DNAH6: variants seen among roughly 807,000 people sequenced by gnomAD.
DNAH6 encodes dynein axonemal heavy chain 6, also known as axonemal beta dynein heavy chain 6.
DNAH6 carries 340 observed loss-of-function variants against 491.4 expected under a neutral mutation model. That is an observed-to-expected ratio of 0.69 (90% CI 0.63 to 0.76). The LOEUF (loss-of-function observed/expected upper bound fraction) is 0.76. DNAH6 is among the 30% of genes least tolerant of loss of function. DNAH6 has a pLI of 0.00. For missense variants in DNAH6, 4,443 were observed against 4,972.2 expected, an observed-to-expected ratio of 0.89 and a Z score of 3.20; for synonymous variants, 1,603 against 1,686.1, an observed-to-expected ratio of 0.95 and a Z score of 1.21.
intron 76 of DNAH6, among the ~76,000 whole-genome samples, chr2:84,818,698 G>C (rs572331419): frequency 6.6e-6 from 1 of 152,140 alleles, no homozygotes; most frequent in Non-Finnish European, 1.5e-5. Flanking sequence ...GGCAAAAGAA[G>C]CAGAGGGAAA....
Position 84,704,079 on chromosome 2 carries a change from G to A in DNAH6, c.8242G>A (p.Val2748Met), listed in dbSNP as rs1696199807. Residue 2748 changes from valine (V) to methionine (M), a missense_variant, in exon 51 of 77, where the codon GTG becomes ATG. Transcript: ENST00000389394. ...TTTCAATGGTTAGGTCCGTAACACT[G>A]TGCAGGAGGATGAAGCAACAGCAAA... ...QESADQVRNT[V>M]QEDEATAKVK... The A allele has an allele frequency of 6.4e-7, 1 of 1,551,542 alleles. No homozygotes were observed. The highest frequency in any genetic ancestry group is 8.7e-7 in the Non-Finnish European group (1 of 1,146,958).
At chr2:84,545,854 A>T (rs1037861) in intron 5 of DNAH6, among the ~76,000 whole-genome samples, 124,664 of 151,850 alleles carry the variant, frequency 0.82, 53,608 homozygotes, top group East Asian at 0.99. Flanking sequence ...GATTTTTTTT[A>T]AAATAACCAA....
At chr2:84,771,459 A>G (rs1369787907) in intron 64 of DNAH6, among the ~76,000 whole-genome samples, 2 of 152,214 alleles carry the variant, frequency 1.3e-5, no homozygotes, top group Non-Finnish European at 2.9e-5. Context: ...GTATGAATCT[A>G]CACATCCAAA....
At chr2:84,518,369 A>G (rs1274460832) in intron 2 of DNAH6, among the ~76,000 whole-genome samples, 2 of 152,204 alleles carry the variant, frequency 1.3e-5, no homozygotes, top group Non-Finnish European at 2.9e-5. Context: ...ACCATTTAAC[A>G]CTGAGAAGTT....
intron 20 of DNAH6, among the ~76,000 whole-genome samples, chr2:84,605,875 TCAGAG>T (rs1185404615): frequency 6.6e-6 from 1 of 152,096 alleles, no homozygotes; most frequent in Non-Finnish European, 1.5e-5. Flanking sequence ...GCTGAAGTGA[TCAGAG>T]CATTTTCCCT....
chr2:84,498,525 T>G, the DNAH6 span, among the ~76,000 whole-genome samples: 1 of 151,928 alleles, frequency 6.6e-6, no homozygotes, highest in South Asian at 2.1e-4. Flanking sequence ...ATTTGAGAAG[T>G]TGGGTTTCTT....
intron 37 of DNAH6, among the ~76,000 whole-genome samples, chr2:84,663,592 C>G (rs1041124684): frequency 5.8e-4 from 88 of 152,214 alleles, no homozygotes; most frequent in African/African-American, 1.9e-3. Context: ...ATATATGGGA[C>G]TGTGTGAAAA....
intron 64 of DNAH6, among the ~76,000 whole-genome samples, chr2:84,771,621 A>T (rs1265839568): frequency 6.6e-6 from 1 of 152,234 alleles, no homozygotes; most frequent in Non-Finnish European, 1.5e-5. Context: ...AGTAAAATTA[A>T]TGGCTGATTC....
chr2:84,483,205 C>A, the DNAH6 span, among the ~76,000 whole-genome samples: 7 of 152,056 alleles, frequency 4.6e-5, no homozygotes, highest in Non-Finnish European at 8.8e-5. Flanking sequence ...ATCAAGCAAT[C>A]CTCAGGTGTT....
intron 11 of DNAH6, among the ~76,000 whole-genome samples, chr2:84,562,208 C>G (rs916716300): frequency 1.2e-4 from 18 of 151,964 alleles, no homozygotes; most frequent in African/African-American, 4.3e-4. Context: ...AATAAGGAAA[C>G]AAGTGACTAA....
rs562754883 is a variant in DNAH6 at position 84,808,686 on chromosome 2, G to T, written c.11739+144G>T. On this transcript the variant is annotated intron_variant, in intron 72 of 76. Transcript: ENST00000389394. ...CTTCAAGCCCAATGAGTCTAAAAAT[G>T]AATTTATCCTTCTCTAATGAATCTG... 5.3e-6 allele frequency: 4 copies of T among 758,384 alleles called. No homozygotes were observed. The South Asian group carries it at 7.5e-5, about 14-fold the overall frequency. 47.0% of individuals were successfully genotyped at this position (758,384 alleles called of 1,614,324 possible).
At chr2:84,521,998 AGT>A (rs145221915) in intron 2 of DNAH6, among the ~76,000 whole-genome samples, 1,734 of 152,196 alleles carry the variant, frequency 0.011, 32 homozygotes, top group African/African-American at 0.04. Flanking sequence ...AGTTTTTTCT[AGT>A]TCTGTGAAGA....
At chr2:84,595,062 C>T in intron 17 of DNAH6, among the ~76,000 whole-genome samples, 1 of 151,780 alleles carries the variant, frequency 6.6e-6, no homozygotes, top group Non-Finnish European at 1.5e-5. Context: ...ATGCATTCAC[C>T]CTAGGAAATG....
chr2:84,559,944 A>G (rs906402032), intron 11 of DNAH6, among the ~76,000 whole-genome samples: 3 of 152,212 alleles, frequency 2.0e-5, no homozygotes, highest in Non-Finnish European at 4.4e-5. Context: ...GGAAAAAGTA[A>G]TGAGTATAGA....
chr2:84,729,282 G>C (rs1021810617), intron 61 of DNAH6, among the ~76,000 whole-genome samples: 8 of 152,116 alleles, frequency 5.3e-5, no homozygotes, highest in Non-Finnish European at 1.0e-4. Flanking sequence ...AAGATAGTTA[G>C]GCACAGAAAG....
intron 4 of DNAH6, among the ~76,000 whole-genome samples, chr2:84,537,570 C>T (rs150813506): frequency 1.8e-3 from 281 of 152,096 alleles, no homozygotes; most frequent in African/African-American, 6.5e-3. Flanking sequence ...TAAGTGGTTC[C>T]GGGTTTTTCT....
intron 45 of DNAH6, among the ~76,000 whole-genome samples, chr2:84,691,970 T>C (rs1412450798): frequency 6.6e-6 from 1 of 152,074 alleles, no homozygotes; most frequent in Non-Finnish European, 1.5e-5. Context: ...CAGGAGAGGG[T>C]GTAAAGGTGG....
At chr2:84,702,762 A>G (rs968920222) in intron 49 of DNAH6, among the ~76,000 whole-genome samples, 3 of 151,920 alleles carry the variant, frequency 2.0e-5, no homozygotes, top group African/African-American at 7.3e-5. Flanking sequence ...GATGGTCTCA[A>G]TCTGACCTCG....
chr2:84,566,940 A>T (rs1409146695), intron 11 of DNAH6, among the ~76,000 whole-genome samples: 6 of 152,082 alleles, frequency 3.9e-5, no homozygotes, highest in Admixed American at 3.3e-4. Context: ...TAAAGATAAA[A>T]TTAGATCTAT....
Sources: allele counts gnomAD v4.1 joint callset (sites outside exome capture counted in the v4.1 genomes callset), GRCh38; gene constraint gnomAD v4.1.1; transcripts MANE v1.5; gene names NCBI Gene and HGNC (gene_info 2026-07-23, HGNC 2026-07-21).